The following ADAMTS17 variants were observed in gnomAD, a reference collection of about 807,000 sequenced individuals.
ADAMTS17 encodes the protein ADAM metallopeptidase with thrombospondin type 1 motif 17.
A neutral mutation model predicts 141.5 loss-of-function variants in ADAMTS17; 113 were observed. The ratio of observed to expected loss-of-function variants is 0.80; its 90% CI spans 0.69 to 0.93. ADAMTS17 has a LOEUF of 0.93. ADAMTS17 is among the 40% of genes least tolerant of loss of function. The pLI is 0.00. For missense variants in ADAMTS17, 1,659 were observed against 1,517.9 expected (o/e 1.09, Z -1.54); for synonymous variants, 768 against 630.6 (o/e 1.22, Z -3.27).
At chr15:100,225,242 T>C (rs779855389) in intron 7 of ADAMTS17, among the ~76,000 whole-genome samples, 2 of 152,406 alleles carry the variant, frequency 1.3e-5, no homozygotes, top group South Asian at 4.1e-4. Context: ...TCCTTTTTAA[T>C]TCTTTTTTTA....
At chr15:100,037,251 A>T (rs74394100) in intron 18 of ADAMTS17, among the ~76,000 whole-genome samples, 6,633 of 152,220 alleles carry the variant, frequency 0.044, 298 homozygotes, top group African/African-American at 0.11. Flanking sequence ...CAGCCACACT[A>T]GTGAGTGTGA....
chr15:100,051,835 G>GCT (rs2032173738), intron 16 of ADAMTS17, 104 bp from the exon 17 acceptor site: 2 of 1,417,406 alleles, frequency 1.4e-6, no homozygotes, highest in East Asian at 4.6e-5. Context: ...CTTTATGAGG[G>GCT]GTAACCAGCT....
chr15:100,079,336 G>T (rs1355095425), intron 15 of ADAMTS17, among the ~76,000 whole-genome samples: 4 of 152,164 alleles, frequency 2.6e-5, no homozygotes, highest in African/African-American at 4.8e-5. Flanking sequence ...TATACAATGT[G>T]ATATCTCCAA....
At chr15:100,152,006 TA>T (rs1478239671) in intron 10 of ADAMTS17, among the ~76,000 whole-genome samples, 15 of 152,206 alleles carry the variant, frequency 9.9e-5, no homozygotes, top group Admixed American at 9.8e-4. Flanking sequence ...TTGTCATCTG[TA>T]AACCAGGGAC....
At chr15:100,230,818 T>TTTCTTAGCAGGAGAAGCAAA (rs11276213) in intron 7 of ADAMTS17, among the ~76,000 whole-genome samples, 1 of 151,964 alleles carries the variant, frequency 6.6e-6, no homozygotes, top group Non-Finnish European at 1.5e-5. Flanking sequence ...TTCGGAAACA[T>TTTCTTAGCAGGAGAAGCAAA]GTCCACTGTT....
chr15:100,037,705 G>C (rs2030876564), intron 18 of ADAMTS17, among the ~76,000 whole-genome samples: 1 of 151,848 alleles, frequency 6.6e-6, no homozygotes, highest in Non-Finnish European at 1.5e-5. Flanking sequence ...CACCATGCTT[G>C]GCCTAGATGT....
chr15:100,259,819 G>A (rs1026751391), intron 6 of ADAMTS17, among the ~76,000 whole-genome samples: 1 of 152,136 alleles, frequency 6.6e-6, no homozygotes, highest in Non-Finnish European at 1.5e-5. Flanking sequence ...AATGGGTGGT[G>A]GCATTGTGTC....
At chr15:100,206,592 G>T (rs1228542783) in intron 7 of ADAMTS17, among the ~76,000 whole-genome samples, 1 of 152,182 alleles carries the variant, frequency 6.6e-6, no homozygotes, top group Non-Finnish European at 1.5e-5. Flanking sequence ...CTTTGCTGGT[G>T]GGTTAGAATG....
chr15:100,129,296 G>A (rs920224615), intron 12 of ADAMTS17: 1 of 152,268 alleles, frequency 6.6e-6, no homozygotes, highest in Admixed American at 6.5e-5. Flanking sequence ...GCCTTAGACA[G>A]GGAAGGGCAA....
intron 18 of ADAMTS17, among the ~76,000 whole-genome samples, chr15:100,018,688 C>A (rs868743352): frequency 1.3e-5 from 2 of 152,214 alleles, no homozygotes; most frequent in African/African-American, 4.8e-5. Flanking sequence ...TTCTCTTTTA[C>A]ATTATCCAGT....
At chr15:100,293,314 C>T (rs1374498282) in intron 3 of ADAMTS17, among the ~76,000 whole-genome samples, 4 of 152,112 alleles carry the variant, frequency 2.6e-5, no homozygotes, top group Non-Finnish European at 5.9e-5. Context: ...TGGCACTGGT[C>T]GGCAGGTGGT....
Position 100,048,844 on chromosome 15 carries a change from C to A in ADAMTS17, c.2591+13G>T. 6.2e-7 allele frequency: 1 copy of A among 1,614,142 alleles called. No homozygotes were observed. Among genetic ancestry groups the A allele is most frequent in the Non-Finnish European group, 8.5e-7 (1 of 1,180,018 alleles). ...ACTCTGGTGGGTCCAAGCTACAGAA[C>A]CCAGCTTCTTACCGTGACTGGCAGG... On this transcript the variant is annotated intron_variant, in intron 18 of 21. Transcript: ENST00000268070.
intron 18 of ADAMTS17, among the ~76,000 whole-genome samples, chr15:100,015,408 C>CA (rs1421051184): frequency 6.7e-6 from 1 of 150,244 alleles, no homozygotes; most frequent in Non-Finnish European, 1.5e-5. Context: ...GTGTACCTTG[C>CA]TTTTTTTTGT....
intron 8 of ADAMTS17, among the ~76,000 whole-genome samples, chr15:100,186,140 T>C: frequency 6.6e-6 from 1 of 152,148 alleles, no homozygotes; most frequent in South Asian, 2.1e-4. Flanking sequence ...ATGAAGTATG[T>C]GAAGGAAGTA....
intron 14 of ADAMTS17, among the ~76,000 whole-genome samples, chr15:100,099,355 C>G (rs1165765364): frequency 6.6e-6 from 1 of 152,178 alleles, no homozygotes; most frequent in Non-Finnish European, 1.5e-5. Flanking sequence ...TTGTTTCAGT[C>G]AGCGCAAGCA....
intron 7 of ADAMTS17, among the ~76,000 whole-genome samples, chr15:100,250,646 GC>G (rs543205012): frequency 4.6e-5 from 7 of 152,280 alleles, no homozygotes; most frequent in African/African-American, 1.7e-4. Context: ...GGACAAAGCT[GC>G]CCATGTAATA....
chr15:100,179,196 C>G (rs1405635325), intron 8 of ADAMTS17, among the ~76,000 whole-genome samples: 1 of 152,130 alleles, frequency 6.6e-6, no homozygotes, highest in African/African-American at 2.4e-5. Flanking sequence ...TTTTTGTACC[C>G]ATTAACTATC....
chr15:100,104,587 A>G (rs192306692), intron 14 of ADAMTS17, among the ~76,000 whole-genome samples: 41 of 152,258 alleles, frequency 2.7e-4, no homozygotes, highest in Admixed American at 2.2e-3. Context: ...TGCTACCCCA[A>G]AATAGCACAA....
chr15:100,111,309 G>A (rs2036766375), intron 13 of ADAMTS17, among the ~76,000 whole-genome samples: 1 of 152,240 alleles, frequency 6.6e-6, no homozygotes, highest in Non-Finnish European at 1.5e-5. Flanking sequence ...AGCTGTCGGA[G>A]GGCTGGGTGC....
Sources: allele counts gnomAD v4.1 joint callset (sites outside exome capture counted in the v4.1 genomes callset), GRCh38; gene constraint gnomAD v4.1.1; transcripts MANE v1.5; gene names NCBI Gene and HGNC (gene_info 2026-07-23, HGNC 2026-07-21).